OSBPL5: variants seen among roughly 807,000 people sequenced by gnomAD.
OSBPL5 encodes the protein oxysterol binding protein like 5.
OSBPL5 carries 71 observed loss-of-function variants against 111.2 expected under a neutral mutation model. That is an observed-to-expected ratio of 0.64 (90% CI 0.53 to 0.78). The LOEUF is 0.78. OSBPL5 is among the 30% of genes least tolerant of loss of function. OSBPL5 has a pLI of 0.00. For missense variants in OSBPL5, 1,210 were observed against 1,189.3 expected (o/e 1.02, Z -0.26); for synonymous variants, 549 against 513.9 (o/e 1.07, Z -0.93).
chr11:3,159,892 C>A, intron 1 of OSBPL5, among the ~76,000 whole-genome samples: 2 of 152,250 alleles, frequency 1.3e-5, no homozygotes, highest in South Asian at 4.1e-4. Context: ...GACGGGGTAA[C>A]CAAGGTTTAG....
In OSBPL5 at chr11:3,114,503, T is replaced by C. The variant is rs917175110; in HGVS notation, c.691+5044A>G. 3.3e-5 allele frequency among the ~76,000 whole-genome samples: 5 copies of C among 150,776 alleles called. No homozygotes were observed. In the East Asian group the frequency reaches 9.7e-4, roughly 29 times the overall value. On this transcript the variant is annotated intron_variant, in intron 7 of 21. Coordinates refer to ENST00000263650, the MANE Select transcript of OSBPL5 (RefSeq NM_020896.4). Reference sequence around the variant, plus strand: ...CCCTTTTATATGATCAAGTTGTCTATGACTAAAGGGAAATTATAATGGTCT... The same window carrying C: ...CCCTTTTATATGATCAAGTTGTCTACGACTAAAGGGAAATTATAATGGTCT...
In OSBPL5 at chr11:3,107,959, G is replaced by A. The variant is rs369020196; in HGVS notation, c.692-14C>T. On this transcript the variant is annotated splice_polypyrimidine_tract_variant and intron_variant, in intron 7 of 21. Coordinates refer to ENST00000263650, the MANE Select transcript of OSBPL5 (RefSeq NM_020896.4). The surrounding 1 kb of genome is among the most constrained non-coding windows in gnomAD (Gnocchi z 6.1). ...GCCAGCAGCGACCTGCGGGGCACACGGGATGAGCATGCCCCACCCCCACCT... is the reference window on the plus strand; with the variant it reads ...GCCAGCAGCGACCTGCGGGGCACACAGGATGAGCATGCCCCACCCCCACCT... 22 of 1,573,804 alleles carry A rather than the reference G, an allele frequency of 1.4e-5. No homozygotes were observed. Among genetic ancestry groups the A allele is most frequent in the African/African-American group, 1.1e-4 (7 of 64,212 alleles).
At chr11:3,124,967 G>T (rs1858561472) in intron 3 of OSBPL5, among the ~76,000 whole-genome samples, 1 of 152,204 alleles carries the variant, frequency 6.6e-6, no homozygotes, top group Non-Finnish European at 1.5e-5. Flanking sequence ...TGGAGCACTT[G>T]CAACCCCTGC....
chr11:3,096,627 AAAGACAG>A (rs1380765895), intron 14 of OSBPL5, among the ~76,000 whole-genome samples: 6 of 151,406 alleles, frequency 4.0e-5, no homozygotes, highest in Admixed American at 6.6e-5. Context: ...AAAAAAAAAA[AAAGACAG>A]AAAGAAAGAA....
At chr11:3,101,432 T>C (rs998353360) in intron 13 of OSBPL5, among the ~76,000 whole-genome samples, 171 bp downstream of exon 13, 3 of 152,160 alleles carry the variant, frequency 2.0e-5, no homozygotes, top group Non-Finnish European at 2.9e-5. Flanking sequence ...CGGGCAGCTC[T>C]GCCTCATGGC....
At chr11:3,122,260 T>G in intron 4 of OSBPL5, 88 bp downstream of exon 4, 2 of 1,453,276 alleles carry the variant, frequency 1.4e-6, no homozygotes, top group Non-Finnish European at 1.9e-6. Flanking sequence ...TCCCCTCCTT[T>G]TGACAGGTGG....
chr11:3,148,366 G>A lies in OSBPL5; in HGVS notation c.-22+16850C>T, dbSNP rs960688909. Among the ~76,000 whole-genome samples the A allele has an allele frequency of 5.9e-5, 9 of 152,224 alleles. No homozygotes were observed. The East Asian group carries it at 9.6e-4, about 16-fold the overall frequency. Reference sequence around the variant, plus strand: ...CCCCTGACCTGGGGAGGCAAGGGCCGAGGAGTCAGGGAGGGTGGAGAGGAA... The same window carrying A: ...CCCCTGACCTGGGGAGGCAAGGGCCAAGGAGTCAGGGAGGGTGGAGAGGAA... On this transcript the variant is annotated intron_variant, in intron 1 of 21. Coordinates refer to ENST00000263650, the MANE Select transcript of OSBPL5 (RefSeq NM_020896.4).
chr11:3,103,111 A>C, intron 11 of OSBPL5, 128 bp downstream of exon 11: 1 of 754,320 alleles, frequency 1.3e-6, no homozygotes, highest in Non-Finnish European at 2.1e-6. Flanking sequence ...TGTGGGGGTG[A>C]CCAGGATCCT....
At chr11:3,108,940 G>A (rs866521590) in intron 7 of OSBPL5, among the ~76,000 whole-genome samples, 1 of 151,824 alleles carries the variant, frequency 6.6e-6, no homozygotes, top group Non-Finnish European at 1.5e-5. Flanking sequence ...GGCTAATTTT[G>A]TATTTTTAGT....
At chr11:3,139,757 C>T (rs560512057) in intron 1 of OSBPL5, among the ~76,000 whole-genome samples, 235 of 152,312 alleles carry the variant, frequency 1.5e-3, no homozygotes, top group African/African-American at 5.5e-3. Context: ...ACCCTGGGTC[C>T]AAGTGCTGCT....
At position 3,087,881 on chromosome 11, in the gene OSBPL5, C is replaced by A. The variant is rs1856923946; in HGVS notation, c.*324G>T. The A allele has an allele frequency of 9.2e-6, 2 of 216,304 alleles. No individual in the cohort carries two copies. The highest frequency in any genetic ancestry group is 1.8e-5 in the Non-Finnish European group (2 of 110,268). 13.4% of individuals were successfully genotyped at this position (216,304 alleles called of 1,614,324 possible). A position where few individuals can be genotyped will look rare whatever the true frequency, so the allele number is the denominator to read the frequency against. On this transcript the variant is annotated 3_prime_UTR_variant, in exon 22 of 22. Coordinates refer to ENST00000263650, the MANE Select transcript of OSBPL5 (RefSeq NM_020896.4). Reference sequence around the variant, plus strand: ...ACAGGCCCTCCCACCCTAAATCCATCCATCCCCCATGGCAAGTGGAGGCCG... The same window carrying A: ...ACAGGCCCTCCCACCCTAAATCCATACATCCCCCATGGCAAGTGGAGGCCG...
intron 14 of OSBPL5, chr11:3,094,871 C>T (rs4758521): frequency 0.35 from 53,572 of 152,084 alleles, 10,001 homozygotes; most frequent in African/African-American, 0.44. Context: ...ATACGTCTTT[C>T]TTTGTTTTGT....
At chr11:3,097,029 G>GGAGGAC in intron 14 of OSBPL5, among the ~76,000 whole-genome samples, 1 of 43,148 alleles carries the variant, frequency 2.3e-5, no homozygotes, top group Non-Finnish European at 4.3e-5. Flanking sequence ...AGGGGGAGGA[G>GGAGGAC]AGGAAAGAGG....
intron 21 of OSBPL5, 49 bp from the exon 22 acceptor site, chr11:3,088,392 TC>T: frequency 6.9e-7 from 1 of 1,456,088 alleles, no homozygotes; most frequent in Non-Finnish European, 9.0e-7. Context: ...TGCCAGCAAG[TC>T]CCCCTCCCAC....
At chr11:3,102,445 G>A (rs1189479020) in intron 11 of OSBPL5, among the ~76,000 whole-genome samples, 164 bp from the exon 12 acceptor site, 1 of 152,222 alleles carries the variant, frequency 6.6e-6, no homozygotes, top group East Asian at 1.9e-4. Context: ...TCTGCTTTGC[G>A]GGGACTATGC....
intron 13 of OSBPL5, among the ~76,000 whole-genome samples, chr11:3,100,927 CTG>C (rs1464657217): frequency 1.3e-5 from 2 of 151,648 alleles, no homozygotes; most frequent in African/African-American, 4.9e-5. Flanking sequence ...AACACTGAGC[CTG>C]TGTGATTTGG....
rs752625917 is a variant in OSBPL5, at chr11:3,088,285, G to A, written c.2560C>T (p.Leu854Phe). 1.1e-5 allele frequency: 17 copies of A among 1,608,306 alleles called. No individual in the cohort carries two copies. The highest frequency in any genetic ancestry group is 3.3e-5 in the South Asian group (3 of 90,114). The change falls in exon 22 of 22, where the codon CTC (leucine) becomes TTC (phenylalanine). Residue 854 changes from leucine (L) to phenylalanine (F), a missense_variant. Coordinates refer to ENST00000263650, the MANE Select transcript of OSBPL5 (RefSeq NM_020896.4). ...ARAAQAPTPG[L>F]LQSPRSWFLL... Reference sequence around the variant, plus strand: ...AACCAGGATCGGGGGCTCTGCAGGAGGCCTGGGGTCGGTGCCTGTGCTGCC... The same window carrying A: ...AACCAGGATCGGGGGCTCTGCAGGAAGCCTGGGGTCGGTGCCTGTGCTGCC...
chr11:3,092,635 C>A lies in OSBPL5; in HGVS notation c.2133-77G>T. 1 of 1,467,842 alleles carries A rather than the reference C, an allele frequency of 6.8e-7. No individual in the cohort carries two copies. Among genetic ancestry groups the A allele is most frequent in the African/African-American group, 1.4e-5 (1 of 70,722 alleles). The allele number at this position is 1,467,842 out of a possible 1,614,324, so 90.9% of individuals were successfully genotyped here. On this transcript the variant is annotated intron_variant, in intron 18 of 21. Coordinates refer to ENST00000263650, the MANE Select transcript of OSBPL5 (RefSeq NM_020896.4). The surrounding 1 kb of genome is among the most constrained non-coding windows in gnomAD (Gnocchi z 5.4). ...GGGGCTGTCCTGGCCCAGTCTTCAG[C>A]CCCCCAACAGTGGCCAGAGACCTCC...
At position 3,088,179 on chromosome 11, in the gene OSBPL5, G is replaced by A. The variant is rs1364096123; in HGVS notation, c.*26C>T. 2.6e-6 allele frequency: 4 copies of A among 1,546,498 alleles called. No individual in the cohort carries two copies. The highest frequency in any genetic ancestry group is 1.7e-6 in the Non-Finnish European group (2 of 1,143,222). ...TGCCTGGGAGGGAGGGCTCAGGACC[G>A]GCCAGGAGCTCTGCCCTCAGGGCTC... On this transcript the variant is annotated 3_prime_UTR_variant, in exon 22 of 22. Transcript: ENST00000263650.
Sources: gnomAD v4.1 joint callset for allele counts (sites outside exome capture counted in the v4.1 genomes callset) on GRCh38, gnomAD v4.1.1 for gene constraint, Gnocchi (gnomAD v3.1) non-coding constraint, MANE v1.5 for transcripts, NCBI Gene and HGNC (gene_info 2026-07-23, HGNC 2026-07-21) for gene names.